Variants in ARSH observed in about 807,000 individuals in gnomAD.
ARSH encodes the protein arylsulfatase family member H, also known as arylsulfatase H.
A neutral mutation model predicts 28.7 loss-of-function variants in ARSH; 32 were observed. The ratio of observed to expected loss-of-function variants is 1.11; its 90% CI spans 0.84 to 1.50. The LOEUF is 1.50. Among genes scored for constraint, ARSH ranks in the 40% most tolerant of loss-of-function variants. The pLI is 0.00. For synonymous variants in ARSH, 176 were observed against 177.3 expected (o/e 0.99, Z 0.06); for missense variants, 440 against 452.4 (o/e 0.97, Z 0.25).
chrX:3,027,554 T>C (rs2089902571), intron 7 of ARSH, 79 bp downstream of exon 7: 2 of 1,010,014 alleles, frequency 2.0e-6, no homozygotes. Context: ...TCTATGTGTG[T>C]GTGTATGTAC....
Position 3,015,025 on chromosome X carries a change from G to C in ARSH, c.396G>C (p.Pro132=), listed in dbSNP as rs61746890. The change falls in exon 4 of 9, where the codon CCG becomes CCC. Residue 132 remains proline, a synonymous_variant. Transcript: ENST00000381130. ...CASRNDHCYH[P]LNHGFHYFYG... Reference sequence around the variant, plus strand: ...CTCGGAATGATCACTGTTACCACCCGCTCAACCATGGTTTTCACTACTTTT... The same window carrying C: ...CTCGGAATGATCACTGTTACCACCCCCTCAACCATGGTTTTCACTACTTTT... 2.1e-3 allele frequency: 2,506 copies of C among 1,209,357 alleles called. 4 individuals carry two copies. The highest frequency in any genetic ancestry group is 0.014 in the South Asian group (777 of 56,679).
chrX:3,032,966 T>C (rs2089918583), intron 8 of ARSH, 52 bp from the exon 9 acceptor site: 4 of 1,147,143 alleles, frequency 3.5e-6, no homozygotes, highest in Non-Finnish European at 4.6e-6. Context: ...ACGAAAAGAG[T>C]CCTAAAATCA....
intron 2 of ARSH, 91 bp downstream of exon 2, chrX:3,010,242 G>A (rs2089842968): frequency 9.4e-7 from 1 of 1,060,486 alleles, no homozygotes. Context: ...ATTCTCAAAA[G>A]GTCACTCAGA....
At chrX:3,021,707 CTTT>C (rs3032483) in intron 5 of ARSH, among the ~76,000 whole-genome samples, 3 of 90,230 alleles carry the variant, frequency 3.3e-5, no homozygotes, top group Non-Finnish European at 4.3e-5. Flanking sequence ...ACTTTTAGTC[CTTT>C]TTTTTTTTTT....
At position 3,033,035 on chromosome X, in the gene ARSH, G is replaced by T. The variant is rs746299743; in HGVS notation, c.1339G>T (p.Ala447Ser). The change falls in exon 9 of 9, where the codon GCT becomes TCT. Residue 447 changes from alanine (A) to serine (S), a missense_variant. By Grantham distance (99) the Ala-to-Ser change is moderately conservative (BLOSUM62 1). Transcript: ENST00000381130. ...HQKDCATVWK[A>S]HYVTPKFYPE... is the part of the protein sequence containing the mutation. The stretch of plus-strand genomic sequence containing the variant: ...TTTTTTAGGTGCAACTGTGTGGAAA[G>T]CTCATTATGTGACTCCTAAATTCTA... 1 of 1,209,472 alleles carries T rather than the reference G, an allele frequency of 8.3e-7. No individual in the cohort carries two copies. The highest frequency in any genetic ancestry group is 1.1e-6 in the Non-Finnish European group (1 of 894,174).
chrX:3,013,125 C>T lies in ARSH; in HGVS notation c.293C>T (p.Thr98Ile). 1 of 1,211,258 alleles carries T rather than the reference C, an allele frequency of 8.3e-7. No homozygotes were observed. Among genetic ancestry groups the T allele is most frequent in the Non-Finnish European group, 1.1e-6 (1 of 895,270 alleles). The change falls in exon 3 of 9, where the codon ACT becomes ATT. Residue 98 changes from threonine (T) to isoleucine (I), a missense_variant. By Grantham distance (89) the Thr-to-Ile change is moderately conservative (BLOSUM62 -1). Transcript: ENST00000381130. The stretch of plus-strand genomic sequence containing the variant: ...GGTGGTCTTCCCACCAATGAAACGA[C>T]TTTTGCCAAGCTGCTGCAGCACCGT... ...GSGGLPTNET[T>I]FAKLLQHRGY...
intron 1 of ARSH, among the ~76,000 whole-genome samples, chrX:3,007,335 A>AC (rs2089830840): frequency 9.1e-6 from 1 of 110,428 alleles, no homozygotes; most frequent in South Asian, 3.9e-4. Flanking sequence ...GACAACCGTC[A>AC]CCCCCACAAA....
chrX:3,023,571 G>C (rs2089890317), intron 5 of ARSH, among the ~76,000 whole-genome samples: 1 of 105,957 alleles, frequency 9.4e-6, no homozygotes, highest in South Asian at 4.0e-4. Context: ...TGTATTGATT[G>C]TACATATTAC....
In ARSH at chrX:3,006,967, C is replaced by T. The variant is rs150878891; in HGVS notation, c.92+263C>T. Among the ~76,000 whole-genome samples the T allele has an allele frequency of 0.038, 4,163 of 110,751 alleles. 74 individuals carry two copies. Among genetic ancestry groups the T allele is most frequent in the Middle Eastern group, 0.094 (20 of 213 alleles). On this transcript the variant is annotated intron_variant, in intron 1 of 8. Coordinates refer to ENST00000381130, the MANE Select transcript of ARSH (RefSeq NM_001011719.2). ...TAAAAATTGGCCTTTTTTGATCAGG[C>T]ATGGCGGCTCAAGCCTATAATCCCA...
chrX:3,018,779 C>T, intron 5 of ARSH, 109 bp downstream of exon 5: 1 of 821,009 alleles, frequency 1.2e-6, no homozygotes. Context: ...GCATAGATAC[C>T]TGAAAAGTAT....
intron 5 of ARSH, among the ~76,000 whole-genome samples, chrX:3,019,233 C>T (rs1393342904): frequency 9.8e-6 from 1 of 101,624 alleles, no homozygotes; most frequent in African/African-American, 3.7e-5. Context: ...CCACTGCACT[C>T]CAGCCTGAGT....
intron 6 of ARSH, among the ~76,000 whole-genome samples, chrX:3,025,106 A>G: frequency 9.1e-6 from 1 of 109,299 alleles, no homozygotes; most frequent in Non-Finnish European, 1.9e-5. Flanking sequence ...AATCATATAT[A>G]TTCATCATAT....
At chrX:3,009,942 T>A (rs2089841585) in intron 1 of ARSH, 88 bp from the exon 2 acceptor site, 1 of 1,091,509 alleles carries the variant, frequency 9.2e-7, no homozygotes, top group Non-Finnish European at 1.2e-6. Context: ...TAGAGTCAAC[T>A]TGACCCAAAA....
At chrX:3,017,368 C>T (rs1259686994) in intron 4 of ARSH, among the ~76,000 whole-genome samples, 1 of 110,380 alleles carries the variant, frequency 9.1e-6, no homozygotes, top group Non-Finnish European at 1.9e-5. Context: ...GAGTTTGACA[C>T]CAGACTGGGC....
At chrX:3,016,540 CTCA>C (rs756065264) in intron 4 of ARSH, among the ~76,000 whole-genome samples, 1 of 110,689 alleles carries the variant, frequency 9.0e-6, no homozygotes, top group African/African-American at 3.3e-5. Flanking sequence ...ATAATGAGCT[CTCA>C]TCATCCCATA....
intron 2 of ARSH, among the ~76,000 whole-genome samples, chrX:3,012,587 ATATATATATATAATATATATATGTATG>A (rs2089852634): frequency 2.0e-4 from 5 of 25,145 alleles, no homozygotes; most frequent in African/African-American, 6.9e-4. Context: ...ATATATATAT[ATATATATATATAATATATATATGTATG>A]TGTATATACA....
chrX:3,011,733 C>T (rs1223805405), intron 2 of ARSH, among the ~76,000 whole-genome samples: 1 of 112,156 alleles, frequency 8.9e-6, no homozygotes, highest in Non-Finnish European at 1.9e-5. Flanking sequence ...CAAAACAGTT[C>T]AACAGCAAGA....
intron 5 of ARSH, among the ~76,000 whole-genome samples, chrX:3,021,871 TC>T (rs1351009365): frequency 2.4e-5 from 2 of 83,209 alleles, no homozygotes; most frequent in South Asian, 7.6e-4. Context: ...CACCACCATG[TC>T]TGGCCAATTT....
intron 5 of ARSH, 27 bp from the exon 6 acceptor site, chrX:3,023,994 C>T (rs2089891703): frequency 2.5e-6 from 3 of 1,207,353 alleles, no homozygotes; most frequent in Non-Finnish European, 3.4e-6. Context: ...AAGAGGTCAA[C>T]GTCTTTGTGT....
Sources: gnomAD v4.1 joint callset for allele counts (sites outside exome capture counted in the v4.1 genomes callset) on GRCh38, gnomAD v4.1.1 for gene constraint, MANE v1.5 for transcripts, NCBI Gene and HGNC (gene_info 2026-07-23, HGNC 2026-07-21) for gene names.